VNN1: variants seen among roughly 807,000 people sequenced by gnomAD.
VNN1 encodes vanin 1.
A neutral mutation model predicts 41.9 loss-of-function variants in VNN1; 29 were observed. That is an observed-to-expected ratio of 0.69 (90% CI 0.52 to 0.94). The LOEUF is 0.94. Among genes scored for constraint, VNN1 ranks in the 40% least tolerant of loss-of-function variants. The pLI is 0.00. For missense variants in VNN1, 637 were observed against 621.1 expected (o/e 1.03, Z -0.27); for synonymous variants, 233 against 224.4 (o/e 1.04, Z -0.34).
In VNN1 at chr6:132,684,368, C is replaced by T. The variant is rs746241817; in HGVS notation, c.1326G>A (p.Leu442=). The part of the protein sequence containing the change: ...GTQYVFPEVL[L]SENQLAPGEF... ...CTCCAGGTGCAAGCTGATTTTCACT[C>T]AGCAACACCTCAGGAAAGACATACT... The change falls in exon 6 of 7, where the codon CTG becomes CTA. Residue 442 remains leucine (L), a synonymous_variant. Transcript: ENST00000367928. The T allele has an allele frequency of 6.2e-7, 1 of 1,613,500 alleles. No homozygotes were observed. The highest frequency in any genetic ancestry group is 1.1e-5 in the South Asian group (1 of 90,994).
At chr6:132,704,224 T>A (rs4897605) in intron 2 of VNN1, among the ~76,000 whole-genome samples, 58,140 of 151,840 alleles carry the variant, frequency 0.38, 12,311 homozygotes, top group African/African-American at 0.57. Flanking sequence ...AATAGATAGT[T>A]ACAGAAAATT....
At chr6:132,710,726 T>A (rs767024790) in intron 2 of VNN1, among the ~76,000 whole-genome samples, 2 of 152,208 alleles carry the variant, frequency 1.3e-5, no homozygotes, top group Non-Finnish European at 2.9e-5. Context: ...AGCTGTGTAG[T>A]GTTCTGTGGT....
intron 5 of VNN1, among the ~76,000 whole-genome samples, chr6:132,688,768 C>T (rs1778239827): frequency 6.6e-6 from 1 of 151,944 alleles, no homozygotes; most frequent in South Asian, 2.1e-4. Flanking sequence ...AATAAATGTT[C>T]TTCTACAATA....
At chr6:132,694,327 G>T in intron 2 of VNN1, 145 bp from the exon 3 acceptor site, 1 of 910,528 alleles carries the variant, frequency 1.1e-6, no homozygotes. Flanking sequence ...GAAGTATTAA[G>T]ACAAGAAAGG....
At position 132,711,764 on chromosome 6, in the gene VNN1, A is replaced by C. The variant is rs530056194; in HGVS notation, c.286T>G (p.Leu96Val). ...NFNRDSLYPY[L>V]EDIPDPEVNW... ...ACTTCAGGGTCTGGGATGTCCTCCA[A>C]ATATGGGTAGAGAGAGTCCCTGTTG... Residue 96 changes from leucine (L) to valine (V), a missense_variant, in exon 2 of 7, where the codon TTG becomes GTG. Coordinates refer to ENST00000367928, the MANE Select transcript of VNN1 (RefSeq NM_004666.3). The C allele has an allele frequency of 1.9e-6, 3 of 1,614,032 alleles. No homozygotes were observed. The highest frequency in any genetic ancestry group is 4.5e-5 in the East Asian group (2 of 44,870).
At chr6:132,684,917 G>A (rs1456835964) in intron 5 of VNN1, among the ~76,000 whole-genome samples, 2 of 152,196 alleles carry the variant, frequency 1.3e-5, no homozygotes, top group Non-Finnish European at 2.9e-5. Flanking sequence ...AAAAAGATTA[G>A]CCCTGTAAAA....
At chr6:132,699,483 TG>T (rs935318398) in intron 2 of VNN1, 5 of 162,606 alleles carry the variant, frequency 3.1e-5, no homozygotes, top group African/African-American at 1.2e-4. Flanking sequence ...CCAAGATAAA[TG>T]GTAGAGATGT....
intron 1 of VNN1, among the ~76,000 whole-genome samples, chr6:132,712,942 G>A (rs762082608): frequency 3.9e-5 from 6 of 152,076 alleles, no homozygotes; most frequent in African/African-American, 7.2e-5. Context: ...CAAGTACAGC[G>A]TGGGCAACAT....
chr6:132,683,768 T>C (rs1275329459), intron 6 of VNN1, among the ~76,000 whole-genome samples: 1 of 152,202 alleles, frequency 6.6e-6, no homozygotes, highest in Non-Finnish European at 1.5e-5. Context: ...CAGTGGTTTC[T>C]ACCAGGAACG....
intron 5 of VNN1, 82 bp from the exon 6 acceptor site, chr6:132,684,587 G>A: frequency 7.0e-7 from 1 of 1,422,888 alleles, no homozygotes; most frequent in South Asian, 1.2e-5. Flanking sequence ...ATTTCACGGT[G>A]TGTACACATA....
At chr6:132,702,205 C>T (rs1227012593) in intron 2 of VNN1, among the ~76,000 whole-genome samples, 1 of 152,200 alleles carries the variant, frequency 6.6e-6, no homozygotes, top group African/African-American at 2.4e-5. Context: ...ACTGCCTGAG[C>T]TCTGCCTCCT....
chr6:132,687,562 G>A (rs963019732), intron 5 of VNN1, among the ~76,000 whole-genome samples: 11 of 152,166 alleles, frequency 7.2e-5, no homozygotes, highest in Admixed American at 2.0e-4. Context: ...ACTAGACAGC[G>A]TTGACTACAA....
rs368999750 is a variant in VNN1 at position 132,705,800 on chromosome 6, C to A, written c.341+5909G>T. ...TCCACCAAAAAACTAATAGAACTGA[C>A]AAACAAATTCAGTAAAGTTGCAGGA... On this transcript the variant is annotated intron_variant, in intron 2 of 6. Transcript: ENST00000367928. 1.3e-4 allele frequency among the ~76,000 whole-genome samples: 19 copies of A among 151,932 alleles called. 1 individual carries two copies. The highest frequency in any genetic ancestry group is 4.1e-4 in the South Asian group (2 of 4,830).
rs527273687 is a variant in VNN1 at position 132,681,450 on chromosome 6, G to A, written c.*1690C>T. Reference sequence around the variant, plus strand: ...GATCCAGAACAACTCCACTAAGCCAGTCCCAGATCCTGACCCTCAGAAATG... The same window carrying A: ...GATCCAGAACAACTCCACTAAGCCAATCCCAGATCCTGACCCTCAGAAATG... On this transcript the variant is annotated 3_prime_UTR_variant, in exon 7 of 7. Transcript: ENST00000367928. 5.9e-5 allele frequency: 9 copies of A among 152,290 alleles called. No homozygotes were observed. In the East Asian group the frequency reaches 1.5e-3, roughly 26 times the overall value. The allele number at this position is 152,290 out of a possible 1,614,324, so 9.4% of individuals were successfully genotyped here. A position where few individuals can be genotyped will look rare whatever the true frequency, so the allele number is the denominator to read the frequency against.
Position 132,693,001 on chromosome 6 carries a change from ATATCT to A in VNN1, c.826+18_826+22del, listed in dbSNP as rs2114345800. ...TTCTTTTCTGATTACATCAGCCTGC[ATATCT>A]TTAAGATCACACATTACCTGTCATT... On this transcript the variant is annotated intron_variant, in intron 4 of 6. Coordinates refer to ENST00000367928, the MANE Select transcript of VNN1 (RefSeq NM_004666.3). 7 of 1,570,298 alleles carry A rather than the reference ATATCT, an allele frequency of 4.5e-6. No homozygotes were observed. The highest frequency in any genetic ancestry group is 6.0e-6 in the Non-Finnish European group (7 of 1,159,244).
chr6:132,689,847 A>G (rs1299744693), intron 5 of VNN1, among the ~76,000 whole-genome samples: 1 of 152,218 alleles, frequency 6.6e-6, no homozygotes, highest in Non-Finnish European at 1.5e-5. Flanking sequence ...TGAATGTCTC[A>G]TAACTACTTC....
At chr6:132,686,223 G>A (rs1166401510) in intron 5 of VNN1, among the ~76,000 whole-genome samples, 2 of 152,162 alleles carry the variant, frequency 1.3e-5, no homozygotes, top group African/African-American at 4.8e-5. Flanking sequence ...GAGGCAGGCG[G>A]ATCACTTGAG....
intron 6 of VNN1, among the ~76,000 whole-genome samples, chr6:132,684,013 C>T (rs1343650617): frequency 1.3e-5 from 2 of 152,124 alleles, no homozygotes; most frequent in Non-Finnish European, 2.9e-5. Context: ...GCCATCACTC[C>T]CCAGTGGTCC....
At chr6:132,712,086 G>A (rs1442191370) in intron 1 of VNN1, among the ~76,000 whole-genome samples, 6 of 147,862 alleles carry the variant, frequency 4.1e-5, no homozygotes, top group Non-Finnish European at 7.4e-5. Flanking sequence ...ACAAATGCAG[G>A]TTTGTTGCAT....
Sources: allele counts gnomAD v4.1 joint callset (sites outside exome capture counted in the v4.1 genomes callset), GRCh38; gene constraint gnomAD v4.1.1; transcripts MANE v1.5; gene names NCBI Gene and HGNC (gene_info 2026-07-23, HGNC 2026-07-21).